The following PTPRE variants were observed in gnomAD, a reference collection of about 807,000 sequenced individuals.
PTPRE encodes the protein protein tyrosine phosphatase receptor type E.
In PTPRE, 51 loss-of-function variants were observed where a neutral mutation model predicts 102.0. That is an observed-to-expected ratio of 0.50 (90% CI 0.40 to 0.63). The LOEUF (loss-of-function observed/expected upper bound fraction) is 0.63, where lower values mean the gene tolerates loss of function less well. Among genes scored for constraint, PTPRE ranks in the 30% least tolerant of loss-of-function variants. The pLI is 0.00. For missense variants in PTPRE, 752 were observed against 915.1 expected (o/e 0.82, Z 2.30); for synonymous variants, 345 against 348.2 (o/e 0.99, Z 0.10).
intron 2 of PTPRE, among the ~76,000 whole-genome samples, chr10:128,034,517 C>A (rs879521043): frequency 1.3e-5 from 2 of 151,798 alleles, no homozygotes; most frequent in African/African-American, 4.9e-5. Flanking sequence ...TAGTGAGACC[C>A]CCCCCATCTT....
At chr10:128,021,748 G>C (rs1845908079) in intron 2 of PTPRE, among the ~76,000 whole-genome samples, 1 of 152,240 alleles carries the variant, frequency 6.6e-6, no homozygotes, top group Non-Finnish European at 1.5e-5. Context: ...GGGACCACAG[G>C]TGCCTGCTAT....
chr10:128,051,972 C>T (rs574259202), intron 6 of PTPRE, among the ~76,000 whole-genome samples: 1 of 152,344 alleles, frequency 6.6e-6, no homozygotes, highest in East Asian at 1.9e-4. Flanking sequence ...AAGTGATCCT[C>T]CCACCTCAGC....
Position 127,953,551 on chromosome 10 carries a change from A to G in PTPRE, c.-30-28723A>G, listed in dbSNP as rs536829193. Reference sequence around the variant, plus strand: ...CACTATGATAAAATGGAAGCGGTGTATATATGTGATTGGGCCAGAAAAGGT... The same window carrying G: ...CACTATGATAAAATGGAAGCGGTGTGTATATGTGATTGGGCCAGAAAAGGT... On this transcript the variant is annotated intron_variant, in intron 1 of 20. Coordinates refer to ENST00000254667, the MANE Select transcript of PTPRE (RefSeq NM_006504.6). Among the ~76,000 whole-genome samples the G allele has an allele frequency of 3.3e-5, 5 of 152,350 alleles. No individual in the cohort carries two copies. In the South Asian group the frequency reaches 1.0e-3, roughly 32 times the overall value.
In PTPRE at chr10:128,077,692, C is replaced by T. The variant is rs760251994; in HGVS notation, c.1801C>T (p.Pro601Ser). 1 of 1,613,918 alleles carries T rather than the reference C, an allele frequency of 6.2e-7. No homozygotes were observed. The change falls in exon 19 of 21, where the codon CCC becomes TCC. Residue 601 changes from proline to serine, a missense_variant. Physicochemically the swap from Pro to Ser is moderately conservative, Grantham distance 74. Coordinates refer to ENST00000254667, the MANE Select transcript of PTPRE (RefSeq NM_006504.6). Reference protein sequence around the residue: ...HFHGWPEIGIPAEGKGMIDLI... With the variant: ...HFHGWPEIGISAEGKGMIDLI... ...CCACGGCTGGCCTGAGATCGGGATT[C>T]CCGCCGAGGGCAAAGGCATGATTGA...
At chr10:128,031,664 C>T (rs1042324879) in intron 2 of PTPRE, among the ~76,000 whole-genome samples, 4 of 152,160 alleles carry the variant, frequency 2.6e-5, no homozygotes, top group African/African-American at 4.8e-5. Context: ...TGCCAGATGA[C>T]GGGCAGGTGC....
At chr10:128,032,326 C>T (rs1846830286) in intron 2 of PTPRE, among the ~76,000 whole-genome samples, 1 of 152,108 alleles carries the variant, frequency 6.6e-6, no homozygotes, top group African/African-American at 2.4e-5. Context: ...GAAAATTAAA[C>T]TTTTAATGTT....
At chr10:127,972,373 C>T (rs1166956781) in intron 1 of PTPRE, among the ~76,000 whole-genome samples, 2 of 152,208 alleles carry the variant, frequency 1.3e-5, no homozygotes. Flanking sequence ...TTATTGACCA[C>T]GTGACTTCAC....
chr10:127,928,998 T>C (rs991555246), intron 1 of PTPRE, among the ~76,000 whole-genome samples: 1 of 152,242 alleles, frequency 6.6e-6, no homozygotes, highest in Non-Finnish European at 1.5e-5. Context: ...TTGTTTGCAA[T>C]TGACAACACC....
At chr10:127,912,819 A>G (rs1042331343) in intron 1 of PTPRE, among the ~76,000 whole-genome samples, 1 of 152,250 alleles carries the variant, frequency 6.6e-6, no homozygotes, top group African/African-American at 2.4e-5. Flanking sequence ...TGTATGTGAC[A>G]TGGAGAGATG....
rs1487134980 is a variant in PTPRE, at chr10:128,070,003, C to T, written c.1143+176C>T. ...ACGCGTGGGACCTCAGGGACTCCCT[C>T]GTCCTCATCTTTCCCTCGTATCCTC... On this transcript the variant is annotated intron_variant, in intron 13 of 20. Coordinates refer to ENST00000254667, the MANE Select transcript of PTPRE (RefSeq NM_006504.6). The surrounding 1 kb of genome is among the most constrained non-coding windows in gnomAD (Gnocchi z 4.8). 5 of 908,262 alleles carry T rather than the reference C, an allele frequency of 5.5e-6. No individual in the cohort carries two copies. Among genetic ancestry groups the T allele is most frequent in the Non-Finnish European group, 8.3e-6 (5 of 601,352 alleles). The allele number at this position is 908,262 out of a possible 1,614,324, so 56.3% of individuals were successfully genotyped here.
At chr10:127,926,610 GAGAGGTTT>G (rs1847027643) in intron 1 of PTPRE, among the ~76,000 whole-genome samples, 1 of 152,126 alleles carries the variant, frequency 6.6e-6, no homozygotes, top group Admixed American at 6.5e-5. Flanking sequence ...GAGCAAGCCT[GAGAGGTTT>G]AGACTCTGCT....
At chr10:128,065,161 C>T (rs1186834655) in intron 10 of PTPRE, among the ~76,000 whole-genome samples, 7 of 152,218 alleles carry the variant, frequency 4.6e-5, no homozygotes, top group African/African-American at 2.4e-5. Flanking sequence ...TTGTCGGTAG[C>T]CGTCATAACA....
At chr10:128,017,948 AT>A (rs1845571975) in intron 2 of PTPRE, among the ~76,000 whole-genome samples, 1 of 152,224 alleles carries the variant, frequency 6.6e-6, no homozygotes, top group African/African-American at 2.4e-5. Flanking sequence ...CATGCTTCGC[AT>A]CACACACAGG....
At chr10:127,986,701 A>T (rs1852118061) in intron 2 of PTPRE, among the ~76,000 whole-genome samples, 2 of 152,128 alleles carry the variant, frequency 1.3e-5, no homozygotes, top group Non-Finnish European at 2.9e-5. Flanking sequence ...GGCTACCATG[A>T]CAGGAAAAAA....
At position 127,914,981 on chromosome 10, in the gene PTPRE, G is replaced by A. The variant is rs148173400; in HGVS notation, c.-31+7672G>A. ...GCAGAAGCTCTCTTAAAATTCCTGG[G>A]GAGGAAATCAGTATGAATTAATAAA... is the stretch of plus-strand genomic sequence containing the variant. On this transcript the variant is annotated intron_variant, in intron 1 of 20. Coordinates refer to ENST00000254667, the MANE Select transcript of PTPRE (RefSeq NM_006504.6). 6.0e-3 allele frequency among the ~76,000 whole-genome samples: 914 copies of A among 152,224 alleles called. 7 individuals are homozygous for A. Among genetic ancestry groups the A allele is most frequent in the African/African-American group, 0.015 (630 of 41,528 alleles).
intron 2 of PTPRE, among the ~76,000 whole-genome samples, chr10:127,996,305 G>A (rs543392857): frequency 1.8e-4 from 27 of 152,316 alleles, no homozygotes; most frequent in African/African-American, 4.6e-4. Context: ...GGAAGATCTC[G>A]AAAGCTGGCC....
intron 1 of PTPRE, among the ~76,000 whole-genome samples, chr10:127,915,314 T>C (rs1356900078): frequency 6.6e-6 from 1 of 152,224 alleles, no homozygotes; most frequent in Non-Finnish European, 1.5e-5. Context: ...TTTTTTCCAG[T>C]ATGGTTTTCC....
chr10:128,022,209 G>T (rs1845945977), intron 2 of PTPRE, among the ~76,000 whole-genome samples: 1 of 152,168 alleles, frequency 6.6e-6, no homozygotes, highest in Non-Finnish European at 1.5e-5. Flanking sequence ...CACCACCCAG[G>T]CCCCTCCTGA....
At chr10:127,995,336 T>A (rs959355933) in intron 2 of PTPRE, among the ~76,000 whole-genome samples, 3 of 152,124 alleles carry the variant, frequency 2.0e-5, no homozygotes, top group Admixed American at 6.5e-5. Flanking sequence ...TAGTGGGAGG[T>A]GGCTCAAGTG....
Sources: allele counts gnomAD v4.1 joint callset (sites outside exome capture counted in the v4.1 genomes callset), GRCh38; gene constraint gnomAD v4.1.1; non-coding constraint Gnocchi (gnomAD v3.1); transcripts MANE v1.5; gene names NCBI Gene and HGNC (gene_info 2026-07-23, HGNC 2026-07-21).